FAM184A: variants seen among roughly 807,000 people sequenced by gnomAD.
The protein encoded by FAM184A is family with sequence similarity 184 member A.
A neutral mutation model predicts 143.8 loss-of-function variants in FAM184A; 99 were observed. The observed-to-expected ratio is 0.69, with a 90% CI of 0.58 to 0.81. The LOEUF is 0.81. FAM184A is among the 40% of genes least tolerant of loss of function. FAM184A has a pLI of 0.00. For synonymous variants in FAM184A, 427 were observed against 446.4 expected (o/e 0.96, Z 0.55); for missense variants, 1,217 against 1,310.5 (o/e 0.93, Z 1.10).
chr6:119,054,096 AT>A (rs1025404987), intron 1 of FAM184A, among the ~76,000 whole-genome samples: 2 of 147,920 alleles, frequency 1.4e-5, no homozygotes, highest in Non-Finnish European at 3.0e-5. Flanking sequence ...AAAAAAAAAA[AT>A]CATATATAAT....
chr6:119,139,792 G>A (rs1383095259), intron 1 of FAM184A, among the ~76,000 whole-genome samples: 1 of 152,194 alleles, frequency 6.6e-6, no homozygotes, highest in African/African-American at 2.4e-5. Context: ...AAGAAGCAAA[G>A]GGTTGTCTTC....
intron 9 of FAM184A, among the ~76,000 whole-genome samples, chr6:118,982,229 A>C (rs533388117): frequency 1.3e-5 from 2 of 152,302 alleles, no homozygotes; most frequent in South Asian, 4.1e-4. Context: ...CAAGAACAAA[A>C]ATAGACATTT....
At position 119,024,747 on chromosome 6, in the gene FAM184A, G is replaced by A; in HGVS notation, c.226C>T (p.His76Tyr). 6.2e-7 allele frequency: 1 copy of A among 1,613,330 alleles called. No individual in the cohort carries two copies. Among genetic ancestry groups the A allele is most frequent in the Non-Finnish European group, 8.5e-7 (1 of 1,179,862 alleles). ...ESAIQALKDA[H>Y]EEEIQQILAE... ...AGAATTTGTTGAATTTCTTCTTCAT[G>A]AGCATCTTTGAGGGCTTGAATTGCA... Residue 76 changes from histidine to tyrosine, a missense_variant, in exon 2 of 18, where the codon CAT (histidine) becomes TAT (tyrosine). Physicochemically the swap from His to Tyr is moderately conservative, Grantham distance 83. Transcript: ENST00000338891.
rs539884989 is a variant in FAM184A, at chr6:119,017,497, C to CA, written c.1333-554dup. ...TGGGCGACAGAGCGAGACTCCATCTCAAAAAAAAAAAAAAGAGTAAAGGGC... is the reference window on the plus strand; with the variant it reads ...TGGGCGACAGAGCGAGACTCCATCTCAAAAAAAAAAAAAAAGAGTAAAGGGC... On this transcript the variant is annotated intron_variant, in intron 4 of 17. Transcript: ENST00000338891. 7.2e-3 allele frequency among the ~76,000 whole-genome samples: 865 copies of CA among 120,970 alleles called. 7 individuals carry two copies. The highest frequency in any genetic ancestry group is 0.018 in the East Asian group (76 of 4,204). The allele number at this position is 120,970 out of a possible 152,430, so 79.4% of individuals were successfully genotyped here. A position where few individuals can be genotyped will look rare whatever the true frequency, so the allele number is the denominator to read the frequency against.
Position 119,078,152 on chromosome 6 carries a change from G to A in FAM184A, c.148C>T (p.Gln50Ter). The A allele has an allele frequency of 6.3e-7, 1 of 1,590,682 alleles. No homozygotes were observed. Among genetic ancestry groups the A allele is most frequent in the Non-Finnish European group, 8.5e-7 (1 of 1,170,450 alleles). ...GCTGCCCCCCTTACCTTGGTGAGCT[G>A]GGCGATTTTCTTGCTCATTTTCAGG... The part of the protein sequence containing the change: ...MHLKMSKKIA[Q>*]LTKVIYALNT... The change falls in exon 1 of 18, where the codon CAG becomes TAG. Residue 50 changes from glutamine (Q) to a stop codon, truncating the protein, a stop_gained. Coordinates refer to ENST00000338891, the MANE Select transcript of FAM184A (RefSeq NM_024581.6). LOFTEE classifies it high-confidence loss of function. The surrounding 1 kb of genome is among the most constrained non-coding windows in gnomAD (Gnocchi z 5.5).
chr6:119,016,980 C>G, intron 4 of FAM184A, 36 bp from the exon 5 acceptor site: 1 of 1,437,608 alleles, frequency 7.0e-7, no homozygotes. Flanking sequence ...TCGGCACCTG[C>G]TTTTTTCATT....
At position 119,024,109 on chromosome 6, in the gene FAM184A, T is replaced by A; in HGVS notation, c.864A>T (p.Arg288Ser). 1 of 1,614,200 alleles carries A rather than the reference T, an allele frequency of 6.2e-7. No individual in the cohort carries two copies. Among genetic ancestry groups the A allele is most frequent in the Admixed American group, 1.7e-5 (1 of 60,016 alleles). Reference sequence around the variant, plus strand: ...TTGCTTCTTGTCCCTGAAATTCTTTTCTAAGATCAGCTTCCTTTTCTTTGC... The same window carrying A: ...TTGCTTCTTGTCCCTGAAATTCTTTACTAAGATCAGCTTCCTTTTCTTTGC... Reference protein sequence around the residue: ...QASKEKEADLRKEFQGQEAIL... With the variant: ...QASKEKEADLSKEFQGQEAIL... Residue 288 changes from arginine to serine, a missense_variant, in exon 2 of 18, where the codon AGA becomes AGT. Transcript: ENST00000338891.
chr6:118,982,976 AT>A (rs1216724840), intron 9 of FAM184A, among the ~76,000 whole-genome samples: 1 of 152,242 alleles, frequency 6.6e-6, no homozygotes, highest in Non-Finnish European at 1.5e-5. Flanking sequence ...TAATCTTTGT[AT>A]CTACACTCAA....
chr6:119,023,228 T>A (rs1461574597), intron 2 of FAM184A, 148 bp from the exon 3 acceptor site: 31 of 787,648 alleles, frequency 3.9e-5, no homozygotes, highest in Non-Finnish European at 6.1e-5. Context: ...TAGTGATTTA[T>A]AACTTGATGT....
At position 119,143,600 on chromosome 6, in the gene FAM184A, T is replaced by C. The variant is rs536219767; in HGVS notation, c.-202+5478A>G. On this transcript the variant is annotated intron_variant, in intron 1 of 16. Coordinates refer to the FAM184A transcript ENST00000352896. ...ATGAATGGATAAACAAAATGTGGCCTCTACATGAATAGAATATTATCCAGC... is the reference window on the plus strand; with the variant it reads ...ATGAATGGATAAACAAAATGTGGCCCCTACATGAATAGAATATTATCCAGC... 2.0e-5 allele frequency among the ~76,000 whole-genome samples: 3 copies of C among 152,334 alleles called. No individual in the cohort carries two copies. In the East Asian group the frequency reaches 5.8e-4, roughly 29 times the overall value.
intron 1 of FAM184A, 24 bp from the exon 2 acceptor site, chr6:119,024,837 G>C: frequency 6.5e-7 from 1 of 1,536,726 alleles, no homozygotes; most frequent in South Asian, 1.3e-5. Context: ...AATAAGAAGG[G>C]AGAAGGATTG....
intron 1 of FAM184A, among the ~76,000 whole-genome samples, chr6:119,094,296 A>T (rs1788450464): frequency 1.3e-5 from 2 of 152,058 alleles, no homozygotes; most frequent in South Asian, 4.2e-4. Context: ...TCTGACTTTC[A>T]CAGAATGTCT....
chr6:119,101,839 C>A (rs1338210812), intron 1 of FAM184A, among the ~76,000 whole-genome samples: 1 of 151,924 alleles, frequency 6.6e-6, no homozygotes, highest in African/African-American at 2.4e-5. Flanking sequence ...GCACATCACC[C>A]GAGGTCAGGA....
intron 1 of FAM184A, among the ~76,000 whole-genome samples, chr6:119,134,719 AG>A (rs145742625): frequency 0.014 from 2,083 of 152,176 alleles, 50 homozygotes; most frequent in African/African-American, 0.047. Flanking sequence ...TTATCATAAA[AG>A]GACACAATAT....
intron 9 of FAM184A, among the ~76,000 whole-genome samples, chr6:119,000,626 T>C (rs1260407336): frequency 6.6e-6 from 1 of 152,204 alleles, no homozygotes; most frequent in Non-Finnish European, 1.5e-5. Flanking sequence ...ACAAGTTATT[T>C]CACTCCTTTC....
chr6:119,008,690 T>TA (rs1387790563), intron 6 of FAM184A, among the ~76,000 whole-genome samples: 2 of 152,182 alleles, frequency 1.3e-5, no homozygotes, highest in Non-Finnish European at 2.9e-5. Context: ...ATACAGTAAG[T>TA]AGAAACCTCC....
At chr6:118,976,893 G>A (rs1783863043) in intron 11 of FAM184A, among the ~76,000 whole-genome samples, 1 of 152,050 alleles carries the variant, frequency 6.6e-6, no homozygotes, top group East Asian at 1.9e-4. Flanking sequence ...GAAATATAAT[G>A]ACAACATCAA....
intron 1 of FAM184A, among the ~76,000 whole-genome samples, chr6:119,116,616 T>A (rs1789069848): frequency 1.3e-5 from 2 of 152,152 alleles, no homozygotes; most frequent in African/African-American, 4.8e-5. Flanking sequence ...GGTGAATCAA[T>A]AAAAACATTA....
At chr6:119,110,352 C>T (rs559566754) in intron 1 of FAM184A, among the ~76,000 whole-genome samples, 9 of 152,198 alleles carry the variant, frequency 5.9e-5, no homozygotes, top group Middle Eastern at 3.4e-3. Context: ...CAAGGAAGAA[C>T]GGGAGGAGCC....
Sources: allele counts gnomAD v4.1 joint callset (sites outside exome capture counted in the v4.1 genomes callset), GRCh38; gene constraint gnomAD v4.1.1; non-coding constraint Gnocchi (gnomAD v3.1); transcripts MANE v1.5; gene names NCBI Gene and HGNC (gene_info 2026-07-23, HGNC 2026-07-21).